Variants in LRBA observed in about 807,000 individuals in gnomAD.
LRBA encodes the protein LPS responsive beige-like anchor protein.
In LRBA, 176 loss-of-function variants were observed where a neutral mutation model predicts 330.0. The ratio of observed to expected loss-of-function variants is 0.53; its 90% CI spans 0.47 to 0.60. The LOEUF is 0.60. Ranked by LOEUF, LRBA falls within the 20% of genes least tolerant of loss-of-function variation. The pLI, the probability that LRBA is intolerant of heterozygous loss-of-function variation, is 0.00. For synonymous variants in LRBA, 1,230 were observed against 1,193.0 expected (o/e 1.03, Z -0.64); for missense variants, 3,259 against 3,444.8 (o/e 0.95, Z 1.35).
chr4:150,756,173 A>G (rs969476444), intron 35 of LRBA, among the ~76,000 whole-genome samples: 1 of 152,178 alleles, frequency 6.6e-6, no homozygotes, highest in African/African-American at 2.4e-5. Flanking sequence ...TAAGACACAC[A>G]AGTCATAAGA....
intron 40 of LRBA, chr4:150,581,290 T>C (rs1171218249): frequency 4.6e-6 from 2 of 435,580 alleles, no homozygotes; most frequent in South Asian, 1.7e-5. Context: ...ATATCGAAAT[T>C]ACTAAAAAGA....
At chr4:150,737,447 G>T (rs547527599) in intron 35 of LRBA, among the ~76,000 whole-genome samples, 1 of 151,766 alleles carries the variant, frequency 6.6e-6, no homozygotes, top group Non-Finnish European at 1.5e-5. Flanking sequence ...GTGACAGAGC[G>T]AGACTCCGAC....
chr4:150,486,003 A>G (rs1757829700), intron 42 of LRBA, among the ~76,000 whole-genome samples: 1 of 151,922 alleles, frequency 6.6e-6, no homozygotes, highest in African/African-American at 2.4e-5. Context: ...AGTTCTGGGA[A>G]TCTAATGTTT....
chr4:150,387,647 T>G (rs1743286266), intron 47 of LRBA, among the ~76,000 whole-genome samples: 1 of 152,104 alleles, frequency 6.6e-6, no homozygotes, highest in African/African-American at 2.4e-5. Context: ...AGTTGTGCAA[T>G]GTATATAACA....
chr4:150,400,354 G>A (rs778507746), intron 47 of LRBA, among the ~76,000 whole-genome samples: 1 of 152,108 alleles, frequency 6.6e-6, no homozygotes, highest in Non-Finnish European at 1.5e-5. Context: ...GGATGATCCA[G>A]AAACATGTAC....
intron 39 of LRBA, among the ~76,000 whole-genome samples, chr4:150,588,393 C>T (rs1372716110): frequency 2.0e-5 from 3 of 152,220 alleles, no homozygotes; most frequent in East Asian, 3.9e-4. Flanking sequence ...CTATAACAGG[C>T]GGTTAATGAT....
In LRBA at chr4:150,487,756, G is replaced by T; in HGVS notation, c.6527C>A (p.Thr2176Lys). The change falls in exon 42 of 57, where the codon ACA (threonine) becomes AAA (lysine). Residue 2176 changes from threonine to lysine, a missense_variant. Coordinates refer to ENST00000651943, the MANE Select transcript of LRBA (RefSeq NM_001364905.1). ...VNYLPRVGVG[T>K]SFGLPQTRRI... ...CCTGGTTTGAGGCAATCCAAAACTT[G>T]TTCCAACGCCAACACGAGGTAGATA... 1 of 1,598,726 alleles carries T rather than the reference G, an allele frequency of 6.3e-7. No homozygotes were observed. The highest frequency in any genetic ancestry group is 8.6e-7 in the Non-Finnish European group (1 of 1,169,302).
intron 2 of LRBA, among the ~76,000 whole-genome samples, chr4:150,955,302 T>C (rs1000689924): frequency 2.0e-5 from 3 of 147,448 alleles, no homozygotes; most frequent in Non-Finnish European, 4.4e-5. Context: ...AAAAAGAAAA[T>C]AGAAAATACA....
chr4:150,312,112 G>A (rs1242110073), intron 51 of LRBA, among the ~76,000 whole-genome samples: 1 of 152,064 alleles, frequency 6.6e-6, no homozygotes, highest in Non-Finnish European at 1.5e-5. Flanking sequence ...GACCTCAGCA[G>A]ATTTGGGCAT....
intron 48 of LRBA, among the ~76,000 whole-genome samples, chr4:150,343,248 C>A (rs1735831521): frequency 6.6e-6 from 1 of 152,174 alleles, no homozygotes; most frequent in Admixed American, 6.5e-5. Flanking sequence ...TTAAAGGAAA[C>A]ACTGTTTATG....
At chr4:150,700,008 A>G (rs772472514) in intron 36 of LRBA, among the ~76,000 whole-genome samples, 1 of 152,164 alleles carries the variant, frequency 6.6e-6, no homozygotes, top group Non-Finnish European at 1.5e-5. Flanking sequence ...GAAAATGCTC[A>G]TTGGAGCATT....
intron 13 of LRBA, among the ~76,000 whole-genome samples, chr4:150,905,207 T>A (rs1255745822): frequency 8.6e-5 from 13 of 151,666 alleles, no homozygotes; most frequent in Admixed American, 2.0e-4. Flanking sequence ...AAAAAAAAAA[T>A]TTGTACAAAT....
chr4:150,763,857 T>A (rs1735412423), intron 34 of LRBA, among the ~76,000 whole-genome samples: 1 of 151,950 alleles, frequency 6.6e-6, no homozygotes, highest in Non-Finnish European at 1.5e-5. Context: ...GCTTAGGATT[T>A]AAGAAGATGA....
intron 22 of LRBA, among the ~76,000 whole-genome samples, chr4:150,864,654 T>C (rs1752444090): frequency 6.7e-6 from 1 of 148,324 alleles, no homozygotes; most frequent in Admixed American, 6.7e-5. Context: ...CTTTTTTTTT[T>C]TTTTTTTTTT....
intron 37 of LRBA, among the ~76,000 whole-genome samples, chr4:150,636,343 TTA>T: frequency 6.6e-6 from 1 of 152,178 alleles, no homozygotes; most frequent in Non-Finnish European, 1.5e-5. Flanking sequence ...TTGCTATCTA[TTA>T]GATAATATTA....
At chr4:150,596,962 C>G (rs1484207400) in intron 38 of LRBA, 5 of 493,174 alleles carry the variant, frequency 1.0e-5, no homozygotes, top group Non-Finnish European at 1.9e-5. Flanking sequence ...TGTAAGACAA[C>G]TGAAGAATCT....
intron 40 of LRBA, among the ~76,000 whole-genome samples, chr4:150,525,509 ATT>A (rs1763369060): frequency 6.6e-6 from 1 of 152,164 alleles, no homozygotes; most frequent in Non-Finnish European, 1.5e-5. Flanking sequence ...TTAGGTCATC[ATT>A]CAAACTAACC....
intron 2 of LRBA, among the ~76,000 whole-genome samples, chr4:150,943,561 A>G (rs1490719235): frequency 6.6e-6 from 1 of 152,228 alleles, no homozygotes; most frequent in Non-Finnish European, 1.5e-5. Context: ...TGGATGAATA[A>G]ATATCACAGA....
intron 36 of LRBA, among the ~76,000 whole-genome samples, chr4:150,728,581 A>G (rs1461243824): frequency 6.6e-6 from 1 of 152,162 alleles, no homozygotes; most frequent in South Asian, 2.1e-4. Flanking sequence ...TGATATCAAC[A>G]GAATGAAGGA....
Sources: gnomAD v4.1 joint callset for allele counts (sites outside exome capture counted in the v4.1 genomes callset) on GRCh38, gnomAD v4.1.1 for gene constraint, MANE v1.5 for transcripts, NCBI Gene and HGNC (gene_info 2026-07-23, HGNC 2026-07-21) for gene names.